The following FNIP2 variants were observed in gnomAD, a reference collection of about 807,000 sequenced individuals.
The protein encoded by FNIP2 is folliculin interacting protein 2.
A neutral mutation model predicts 108.7 loss-of-function variants in FNIP2; 32 were observed. The observed-to-expected ratio is 0.29, with a 90% CI of 0.22 to 0.40. FNIP2 has a LOEUF of 0.40. FNIP2 is among the 10% of genes least tolerant of loss of function. The pLI is 1.00. For missense variants in FNIP2, 1,202 were observed against 1,381.6 expected (o/e 0.87, Z 2.06); for synonymous variants, 480 against 496.7 (o/e 0.97, Z 0.45).
rs542791700 is a variant in FNIP2, at chr4:158,903,106, C to T, written c.3267-1360C>T. Among the ~76,000 whole-genome samples, 39 of 152,314 alleles carry T rather than the reference C, an allele frequency of 2.6e-4. No individual in the cohort carries two copies. The Middle Eastern group carries it at 0.01, about 40-fold the overall frequency. Reference sequence around the variant, plus strand: ...CAGTTTTGTGCTTGAAACCCAGGGCCCTGATTGTGTACACACCAAAGGGAA... The same window carrying T: ...CAGTTTTGTGCTTGAAACCCAGGGCTCTGATTGTGTACACACCAAAGGGAA... On this transcript the variant is annotated intron_variant, in intron 16 of 16. Coordinates refer to ENST00000264433, the MANE Select transcript of FNIP2 (RefSeq NM_020840.3).
chr4:158,831,475 G>A (rs955309185), intron 3 of FNIP2, among the ~76,000 whole-genome samples: 2 of 152,104 alleles, frequency 1.3e-5, no homozygotes, highest in East Asian at 1.9e-4. Context: ...GAATAATACC[G>A]AACCATATTT....
chr4:158,872,220 AT>A, intron 14 of FNIP2: 1 of 985,414 alleles, frequency 1.0e-6, no homozygotes, highest in South Asian at 4.7e-5. Flanking sequence ...TGGAAATGCA[AT>A]CTATTGATTG....
At chr4:158,892,733 G>C (rs1782363690) in intron 15 of FNIP2, among the ~76,000 whole-genome samples, 1 of 152,052 alleles carries the variant, frequency 6.6e-6, no homozygotes, top group Non-Finnish European at 1.5e-5. Flanking sequence ...TTTCTCTGCT[G>C]TTCCCTCCTG....
At position 158,829,211 on chromosome 4, in the gene FNIP2, C is replaced by T. The variant is rs779755177; in HGVS notation, c.367C>T (p.Leu123Phe). Reference protein sequence around the residue: ...GGSSHHAKEQLPKYQYTRPAS... With the variant: ...GGSSHHAKEQFPKYQYTRPAS... The stretch of plus-strand genomic sequence containing the variant: ...ATCTTCACATCATGCTAAGGAACAG[C>T]TTCCAAAGTACCAGGTACAACCATC... Residue 123 changes from leucine (L) to phenylalanine (F), a missense_variant, in exon 3 of 17, where the codon CTT becomes TTT. Coordinates refer to ENST00000264433, the MANE Select transcript of FNIP2 (RefSeq NM_020840.3). The T allele has an allele frequency of 5.6e-5, 91 of 1,611,156 alleles. No individual in the cohort carries two copies. Among genetic ancestry groups the T allele is most frequent in the Non-Finnish European group, 9.3e-6 (11 of 1,178,580 alleles).
At chr4:158,822,950 T>C (rs1454883661) in intron 1 of FNIP2, among the ~76,000 whole-genome samples, 4 of 152,240 alleles carry the variant, frequency 2.6e-5, no homozygotes, top group Admixed American at 2.0e-4. Flanking sequence ...CCATGATTTT[T>C]ATTTCCATCC....
chr4:158,843,784 T>C (rs1779252097), intron 7 of FNIP2, among the ~76,000 whole-genome samples: 1 of 152,196 alleles, frequency 6.6e-6, no homozygotes, highest in Admixed American at 6.5e-5. Flanking sequence ...CTACATTTTT[T>C]ATTTTGATGG....
At chr4:158,809,192 T>G (rs1247086344) in intron 1 of FNIP2, among the ~76,000 whole-genome samples, 1 of 152,154 alleles carries the variant, frequency 6.6e-6, no homozygotes, top group Non-Finnish European at 1.5e-5. Context: ...CATGGTGGCG[T>G]TCATGCCTGT....
chr4:158,829,423 C>A (rs1001804611), intron 3 of FNIP2, among the ~76,000 whole-genome samples, 198 bp downstream of exon 3: 2 of 152,074 alleles, frequency 1.3e-5, no homozygotes, highest in African/African-American at 4.8e-5. Context: ...TGTAATCAAG[C>A]AGAGGTAATA....
chr4:158,881,558 CTCCTGCCTCAGCCTGCCAA>C (rs1781633428), intron 14 of FNIP2, among the ~76,000 whole-genome samples: 1 of 14,932 alleles, frequency 6.7e-5, no homozygotes, highest in African/African-American at 6.2e-4. Flanking sequence ...CTGCCTGATT[CTCCTGCCTCAGCCTGCCAA>C]GTGCCTGTGA....
chr4:158,835,847 G>A (rs1778765532), intron 7 of FNIP2: 1 of 159,646 alleles, frequency 6.3e-6, no homozygotes, highest in Non-Finnish European at 1.4e-5. Flanking sequence ...GGGAGGACCA[G>A]CCAGCTGACC....
intron 1 of FNIP2, among the ~76,000 whole-genome samples, chr4:158,782,396 G>C (rs1175368340): frequency 1.3e-5 from 2 of 151,848 alleles, no homozygotes; most frequent in African/African-American, 4.8e-5. Flanking sequence ...ACTCTTACAA[G>C]CTGACAGCTT....
intron 1 of FNIP2, among the ~76,000 whole-genome samples, chr4:158,819,550 C>A (rs1264861256): frequency 6.6e-6 from 1 of 152,234 alleles, no homozygotes; most frequent in East Asian, 1.9e-4. Context: ...ATTCACACAG[C>A]TGAGGCTGTA....
intron 12 of FNIP2, among the ~76,000 whole-genome samples, chr4:158,865,642 T>A (rs1010848151): frequency 1.3e-5 from 2 of 152,372 alleles, no homozygotes; most frequent in South Asian, 4.1e-4. Flanking sequence ...GCTTCTTCTT[T>A]ATTAATATTG....
intron 14 of FNIP2, among the ~76,000 whole-genome samples, chr4:158,884,825 G>A (rs928480597): frequency 3.9e-5 from 6 of 151,930 alleles, no homozygotes; most frequent in Admixed American, 2.0e-4. Context: ...AAGCGTATGC[G>A]AGGAAGTACC....
chr4:158,814,067 C>T (rs1205308495), intron 1 of FNIP2, among the ~76,000 whole-genome samples: 1 of 152,166 alleles, frequency 6.6e-6, no homozygotes, highest in African/African-American at 2.4e-5. Flanking sequence ...ACACTTCCTC[C>T]TTCTCCTCCT....
intron 7 of FNIP2, among the ~76,000 whole-genome samples, chr4:158,838,859 A>G (rs907734356): frequency 3.3e-5 from 5 of 151,994 alleles, no homozygotes; most frequent in African/African-American, 1.2e-4. Context: ...GTGGTTTCTC[A>G]GATTTTCTTT....
chr4:158,864,711 A>G (rs1373997598), intron 12 of FNIP2, among the ~76,000 whole-genome samples: 1 of 151,060 alleles, frequency 6.6e-6, no homozygotes, highest in Non-Finnish European at 1.5e-5. Context: ...ACTTTTCACT[A>G]TTGTTCCCCT....
At chr4:158,894,378 C>T (rs992527300) in intron 15 of FNIP2, among the ~76,000 whole-genome samples, 2 of 151,918 alleles carry the variant, frequency 1.3e-5, no homozygotes, top group Non-Finnish European at 2.9e-5. Context: ...CACTATGTTG[C>T]CTAGGTTGGT....
intron 5 of FNIP2, among the ~76,000 whole-genome samples, chr4:158,832,350 C>G (rs1778532743): frequency 6.6e-6 from 1 of 152,082 alleles, no homozygotes; most frequent in Non-Finnish European, 1.5e-5. Context: ...AAATGGCTGT[C>G]TTTATATGTT....
Sources: gnomAD v4.1 joint callset for allele counts (sites outside exome capture counted in the v4.1 genomes callset) on GRCh38, gnomAD v4.1.1 for gene constraint, MANE v1.5 for transcripts, NCBI Gene and HGNC (gene_info 2026-07-23, HGNC 2026-07-21) for gene names.